The following SPAG16 variants were observed in gnomAD, a reference collection of about 807,000 sequenced individuals.
The protein encoded by SPAG16 is sperm associated antigen 16.
In SPAG16, 86 loss-of-function variants were observed where a neutral mutation model predicts 80.4. The observed-to-expected ratio is 1.07, with a 90% CI of 0.90 to 1.28. The LOEUF is 1.28. Among genes scored for constraint, SPAG16 ranks in the 50% most tolerant of loss-of-function variants. The pLI is 0.00. For missense variants in SPAG16, 870 were observed against 765.3 expected (o/e 1.14, Z -1.61); for synonymous variants, 294 against 265.9 (o/e 1.11, Z -1.03).
At chr2:214,111,437 T>C (rs1301118983) in intron 14 of SPAG16, among the ~76,000 whole-genome samples, 2 of 152,158 alleles carry the variant, frequency 1.3e-5, no homozygotes, top group East Asian at 1.9e-4. Flanking sequence ...GATCAGATAG[T>C]TGTAGATGTG....
intron 10 of SPAG16, among the ~76,000 whole-genome samples, chr2:213,721,558 C>T (rs1462909002): frequency 6.6e-6 from 1 of 152,194 alleles, no homozygotes; most frequent in Admixed American, 6.5e-5. Context: ...GGTTAAGATA[C>T]TTAATCATAT....
intron 10 of SPAG16, among the ~76,000 whole-genome samples, chr2:213,743,757 T>C (rs919612514): frequency 5.9e-5 from 9 of 152,172 alleles, no homozygotes; most frequent in Non-Finnish European, 1.2e-4. Context: ...TGTTTTTGGG[T>C]TCATTAGATC....
intron 13 of SPAG16, among the ~76,000 whole-genome samples, chr2:214,086,597 C>A (rs531479554): frequency 2.0e-5 from 3 of 152,058 alleles, no homozygotes; most frequent in Non-Finnish European, 4.4e-5. Flanking sequence ...TGAAGAGATG[C>A]CTTCCACCGT....
intron 10 of SPAG16, among the ~76,000 whole-genome samples, chr2:213,831,606 A>G (rs904800055): frequency 6.6e-6 from 1 of 151,970 alleles, no homozygotes; most frequent in Non-Finnish European, 1.5e-5. Flanking sequence ...CATTTGTGTC[A>G]TGGATTTTCA....
chr2:214,382,310 C>G (rs1032020730), intron 15 of SPAG16, among the ~76,000 whole-genome samples: 4 of 152,192 alleles, frequency 2.6e-5, no homozygotes, highest in Non-Finnish European at 5.9e-5. Context: ...TGCATAATGG[C>G]TTTTTGTTAA....
chr2:213,517,802 C>G (rs546577614), intron 10 of SPAG16, among the ~76,000 whole-genome samples: 59 of 152,138 alleles, frequency 3.9e-4, no homozygotes, highest in Non-Finnish European at 6.5e-4. Context: ...CAAAAATTAA[C>G]TCAAGATGGA....
intron 15 of SPAG16, among the ~76,000 whole-genome samples, chr2:214,300,451 G>A (rs777224187): frequency 1.3e-4 from 20 of 152,026 alleles, no homozygotes; most frequent in Non-Finnish European, 2.5e-4. Flanking sequence ...TTTTTTATGA[G>A]TCCAATGTTA....
At chr2:214,375,764 T>C (rs550658659) in intron 15 of SPAG16, among the ~76,000 whole-genome samples, 3 of 152,338 alleles carry the variant, frequency 2.0e-5, no homozygotes, top group South Asian at 2.1e-4. Context: ...TCATACCCAC[T>C]GTGCTTTTGT....
intron 6 of SPAG16, among the ~76,000 whole-genome samples, chr2:213,344,445 T>G (rs529675752): frequency 6.6e-6 from 1 of 152,156 alleles, no homozygotes; most frequent in African/African-American, 2.4e-5. Flanking sequence ...TTGTTACATA[T>G]GTATACATGT....
At chr2:213,985,520 T>G (rs2045959011) in intron 12 of SPAG16, among the ~76,000 whole-genome samples, 1 of 152,100 alleles carries the variant, frequency 6.6e-6, no homozygotes, top group African/African-American at 2.4e-5. Flanking sequence ...TGATAAAAAT[T>G]TATATTATTT....
intron 13 of SPAG16, among the ~76,000 whole-genome samples, chr2:214,032,149 G>C (rs1169734447): frequency 1.3e-5 from 2 of 152,090 alleles, no homozygotes; most frequent in Non-Finnish European, 2.9e-5. Context: ...GAACTTCAAA[G>C]TATTTGTCTT....
chr2:213,773,515 G>A (rs572590477), intron 10 of SPAG16, among the ~76,000 whole-genome samples: 27 of 152,038 alleles, frequency 1.8e-4, no homozygotes, highest in Non-Finnish European at 3.7e-4. Flanking sequence ...CCTTTCCTGG[G>A]AATGGTGTTT....
intron 10 of SPAG16, among the ~76,000 whole-genome samples, chr2:213,628,075 GC>G (rs1471875411): frequency 1.3e-5 from 2 of 152,126 alleles, no homozygotes; most frequent in Non-Finnish European, 2.9e-5. Context: ...TGTTAAAGAA[GC>G]CACTCAGCAG....
At chr2:213,563,024 C>G (rs183525497) in intron 10 of SPAG16, among the ~76,000 whole-genome samples, 1 of 152,160 alleles carries the variant, frequency 6.6e-6, no homozygotes, top group Non-Finnish European at 1.5e-5. Context: ...TTTGGCATGG[C>G]GGGGGAACAC....
At chr2:213,920,541 C>T (rs904185039) in intron 11 of SPAG16, among the ~76,000 whole-genome samples, 2 of 152,180 alleles carry the variant, frequency 1.3e-5, no homozygotes, top group African/African-American at 4.8e-5. Flanking sequence ...GGTGTGTGGC[C>T]ATGGGGGCTG....
intron 15 of SPAG16, among the ~76,000 whole-genome samples, chr2:214,163,538 A>G (rs972533328): frequency 5.4e-5 from 8 of 148,608 alleles, no homozygotes; most frequent in Admixed American, 3.4e-4. Flanking sequence ...GTATGTATAT[A>G]TGTGTGTGTG....
intron 10 of SPAG16, among the ~76,000 whole-genome samples, chr2:213,689,314 G>T (rs1268668535): frequency 6.6e-6 from 1 of 152,090 alleles, no homozygotes; most frequent in Non-Finnish European, 1.5e-5. Context: ...GGTTTTGATT[G>T]ACTTTTCTCT....
intron 10 of SPAG16, among the ~76,000 whole-genome samples, chr2:213,640,370 AG>A (rs2062539827): frequency 6.6e-6 from 1 of 152,170 alleles, no homozygotes; most frequent in African/African-American, 2.4e-5. Flanking sequence ...TCATTTGGGT[AG>A]ACTATGTCAG....
chr2:213,945,041 A>G (rs1408952306), intron 12 of SPAG16, among the ~76,000 whole-genome samples: 3 of 151,984 alleles, frequency 2.0e-5, no homozygotes, highest in African/African-American at 4.8e-5. Flanking sequence ...CCATCTCAAT[A>G]AAAGACAAGA....
Sources: allele counts gnomAD v4.1 joint callset (sites outside exome capture counted in the v4.1 genomes callset), GRCh38; gene constraint gnomAD v4.1.1; transcripts MANE v1.5; gene names NCBI Gene and HGNC (gene_info 2026-07-23, HGNC 2026-07-21).